SORCS2: variants seen among roughly 807,000 people sequenced by gnomAD.
SORCS2 encodes VPS10 domain-containing receptor SorCS2.
Under a neutral mutation model 141.6 loss-of-function variants are expected in SORCS2, and 100 were observed. That is an observed-to-expected ratio of 0.71 (90% CI 0.60 to 0.83). The LOEUF is 0.83. Among genes scored for constraint, SORCS2 ranks in the 40% least tolerant of loss-of-function variants. The probability of loss-of-function intolerance (pLI) is 0.00; values close to 1 mark genes in which losing one functional copy is unlikely to be tolerated. For synonymous variants in SORCS2, 789 were observed against 676.9 expected, an observed-to-expected ratio of 1.17 and a Z score of -2.57; for missense variants, 1,646 against 1,560.2, an observed-to-expected ratio of 1.05 and a Z score of -0.93.
intron 14 of SORCS2, among the ~76,000 whole-genome samples, chr4:7,706,148 A>T (rs111913416): frequency 0.19 from 8,326 of 42,698 alleles, 1,080 homozygotes; most frequent in Middle Eastern, 0.26. Context: ...TGGACAGAGA[A>T]GAGGCTGGGC....
chr4:7,478,309 TC>T (rs1730424472), intron 2 of SORCS2, among the ~76,000 whole-genome samples: 1 of 152,034 alleles, frequency 6.6e-6, no homozygotes, highest in Non-Finnish European at 1.5e-5. Context: ...AGGAGACCCC[TC>T]CCCATGGTCT....
intron 11 of SORCS2, among the ~76,000 whole-genome samples, chr4:7,696,408 C>G (rs1038835044): frequency 4.6e-5 from 7 of 152,168 alleles, no homozygotes; most frequent in African/African-American, 1.7e-4. Flanking sequence ...AGGTGCAGCA[C>G]CAGAGGCTGT....
intron 3 of SORCS2, among the ~76,000 whole-genome samples, chr4:7,540,095 C>T (rs1255247666): frequency 6.8e-6 from 1 of 146,074 alleles, no homozygotes; most frequent in Non-Finnish European, 1.5e-5. Flanking sequence ...GAGGCCCCGC[C>T]CCCTTTGTGC....
rs1218130088 is a variant in SORCS2, at chr4:7,403,989, ATATATATATTTT to A, written c.548+7636_548+7647del. On this transcript the variant is annotated intron_variant, in intron 2 of 26. Coordinates refer to ENST00000507866, the MANE Select transcript of SORCS2 (RefSeq NM_020777.3). ...TATATATATATATATATATATATAT[ATATATATATTTT>A]TTTTTTTTTTTTAGTATCCATTTAT... Among the ~76,000 whole-genome samples the A allele has an allele frequency of 8.9e-3, 69 of 7,758 alleles. 5 individuals are homozygous for A. Among genetic ancestry groups the A allele is most frequent in the Non-Finnish European group, 0.02 (44 of 2,192 alleles). The allele number at this position is 7,758 out of a possible 152,430, so 5.1% of individuals were successfully genotyped here. A position where few individuals can be genotyped will look rare whatever the true frequency, so the allele number is the denominator to read the frequency against.
intron 3 of SORCS2, among the ~76,000 whole-genome samples, chr4:7,608,900 C>T (rs930663090): frequency 6.6e-6 from 1 of 152,144 alleles, no homozygotes; most frequent in Non-Finnish European, 1.5e-5. Context: ...GGGAGCCGCT[C>T]ATATGTGAAC....
chr4:7,556,118 G>A (rs1172224561), intron 3 of SORCS2, among the ~76,000 whole-genome samples: 5 of 152,202 alleles, frequency 3.3e-5, no homozygotes, highest in Non-Finnish European at 7.3e-5. Flanking sequence ...GATCCTCTAT[G>A]GCTGGATAGG....
chr4:7,560,372 G>A (rs1465567047), intron 3 of SORCS2, among the ~76,000 whole-genome samples: 3 of 152,158 alleles, frequency 2.0e-5, no homozygotes, highest in Non-Finnish European at 4.4e-5. Context: ...TCCCTCTACT[G>A]GAGGCAGGTG....
chr4:7,598,041 T>C (rs1461165749), intron 3 of SORCS2, among the ~76,000 whole-genome samples: 20 of 150,032 alleles, frequency 1.3e-4, no homozygotes, highest in African/African-American at 4.7e-4. Flanking sequence ...CGATCTTGGC[T>C]CACTGCAACC....
At chr4:7,308,846 T>A (rs577432892) in intron 1 of SORCS2, among the ~76,000 whole-genome samples, 80 of 152,116 alleles carry the variant, frequency 5.3e-4, no homozygotes, top group African/African-American at 1.9e-3. Context: ...TCCTTGTGCC[T>A]CCCCAGGATA....
intron 3 of SORCS2, among the ~76,000 whole-genome samples, chr4:7,552,185 C>G (rs1418806137): frequency 6.6e-6 from 1 of 152,170 alleles, no homozygotes. Context: ...GAAACAGAAA[C>G]CTGTTTCCCA....
chr4:7,515,950 C>G (rs1653723432), intron 2 of SORCS2, among the ~76,000 whole-genome samples: 3 of 152,142 alleles, frequency 2.0e-5, no homozygotes, highest in Admixed American at 2.0e-4. Flanking sequence ...TGGGAGGGGT[C>G]CAATGGAGGC....
intron 1 of SORCS2, among the ~76,000 whole-genome samples, chr4:7,246,515 C>T (rs1281015741): frequency 1.3e-5 from 2 of 151,714 alleles, no homozygotes; most frequent in African/African-American, 2.4e-5. Context: ...ACACATCTCA[C>T]CTGGGGCTTA....
intron 1 of SORCS2, among the ~76,000 whole-genome samples, chr4:7,210,699 CT>C (rs1394030511): frequency 1.3e-5 from 2 of 152,214 alleles, no homozygotes; most frequent in African/African-American, 4.8e-5. Context: ...AAGTCTTCCC[CT>C]GTAAAATGCA....
intron 3 of SORCS2, among the ~76,000 whole-genome samples, chr4:7,634,996 C>T (rs1720149571): frequency 6.6e-6 from 1 of 152,198 alleles, no homozygotes; most frequent in Admixed American, 6.5e-5. Context: ...ACTGCCCCAG[C>T]CTAAGATGTA....
intron 1 of SORCS2, among the ~76,000 whole-genome samples, chr4:7,215,195 C>T (rs76803943): frequency 0.32 from 48,244 of 151,890 alleles, 8,384 homozygotes; most frequent in Non-Finnish European, 0.39. Flanking sequence ...TCCGGGTGGG[C>T]GTGGGCTTGG....
chr4:7,193,054 C>T lies in SORCS2; in HGVS notation c.408C>T (p.Ser136=), dbSNP rs369424240. ...VASRAQVSLI[S]TSFVLKGDAT... ...CGCGGGCGCAGGTCTCGCTCATCAGCACGTCGTTCGTGCTCAAGGGGGACG... is the reference window on the plus strand; with the variant it reads ...CGCGGGCGCAGGTCTCGCTCATCAGTACGTCGTTCGTGCTCAAGGGGGACG... Residue 136 remains serine, a synonymous_variant, in exon 1 of 27, where the codon AGC becomes AGT. Coordinates refer to ENST00000507866, the MANE Select transcript of SORCS2 (RefSeq NM_020777.3). This position sits in a 1 kb window ranked among gnomAD's most constrained non-coding sequence, Gnocchi z 4.8. The T allele has an allele frequency of 3.3e-5, 51 of 1,545,238 alleles. No homozygotes were observed. The African/African-American group carries it at 6.2e-4, about 19-fold the overall frequency.
intron 2 of SORCS2, among the ~76,000 whole-genome samples, chr4:7,397,953 G>T (rs968429389): frequency 3.9e-5 from 6 of 152,184 alleles, no homozygotes; most frequent in African/African-American, 1.4e-4. Flanking sequence ...GGCATGGAGG[G>T]ATCTGCCTGG....
chr4:7,662,360 C>T (rs1722232552), intron 6 of SORCS2, among the ~76,000 whole-genome samples: 1 of 152,016 alleles, frequency 6.6e-6, no homozygotes, highest in Non-Finnish European at 1.5e-5. Flanking sequence ...CCAGCTGGTG[C>T]ACCTCTCACC....
At chr4:7,246,040 T>C (rs773594509) in intron 1 of SORCS2, among the ~76,000 whole-genome samples, 2 of 152,244 alleles carry the variant, frequency 1.3e-5, no homozygotes, top group Non-Finnish European at 2.9e-5. Flanking sequence ...AAAGGGATTG[T>C]GCCAAATCCC....
Sources: allele counts gnomAD v4.1 joint callset (sites outside exome capture counted in the v4.1 genomes callset), GRCh38; gene constraint gnomAD v4.1.1; non-coding constraint Gnocchi (gnomAD v3.1); transcripts MANE v1.5; gene names NCBI Gene and HGNC (gene_info 2026-07-23, HGNC 2026-07-21).